Variants in GLIS3 observed in about 807,000 individuals in gnomAD.
The protein encoded by GLIS3 is GLIS family zinc finger 3, also known as zinc finger protein GLIS3.
GLIS3 carries 53 observed loss-of-function variants against 78.6 expected under a neutral mutation model. That is an observed-to-expected ratio of 0.67 (90% CI 0.54 to 0.85). The LOEUF (loss-of-function observed/expected upper bound fraction) is 0.85, where lower values mean the gene tolerates loss of function less well. Among genes scored for constraint, GLIS3 ranks in the 40% least tolerant of loss-of-function variants. The pLI is 0.00. For synonymous variants in GLIS3, 684 were observed against 509.9 expected (o/e 1.34, Z -4.60); for missense variants, 1,703 against 1,231.1 (o/e 1.38, Z -5.74).
At chr9:4,109,019 A>G (rs1830997886) in intron 4 of GLIS3, among the ~76,000 whole-genome samples, 2 of 152,142 alleles carry the variant, frequency 1.3e-5, no homozygotes, top group African/African-American at 4.8e-5. Context: ...ATGGGGTTCT[A>G]TGGTGTTCAG....
intron 7 of GLIS3, among the ~76,000 whole-genome samples, chr9:3,892,136 T>C (rs577064725): frequency 1.3e-5 from 2 of 151,550 alleles, no homozygotes; most frequent in Non-Finnish European, 2.9e-5. Flanking sequence ...GGCTGATGGG[T>C]AGTGAGAGTA....
intron 4 of GLIS3, among the ~76,000 whole-genome samples, chr9:3,985,252 C>A (rs1819645480): frequency 6.6e-6 from 1 of 152,178 alleles, no homozygotes; most frequent in African/African-American, 2.4e-5. Flanking sequence ...AAGCAATCCT[C>A]CCACCTCAGC....
At chr9:4,465,954 C>T in the GLIS3 span, among the ~76,000 whole-genome samples, 1 of 152,120 alleles carries the variant, frequency 6.6e-6, no homozygotes, top group Non-Finnish European at 1.5e-5. Context: ...AGAGATGAGA[C>T]TACTTTAAAA....
intron 4 of GLIS3, among the ~76,000 whole-genome samples, chr9:3,997,371 A>AAAAATAAAATAAAAT (rs569835206): frequency 7.9e-4 from 120 of 152,004 alleles, no homozygotes; most frequent in Middle Eastern, 3.4e-3. Flanking sequence ...CAATAAAAAT[A>AAAAATAAAATAAAAT]AAAATAAAAT....
chr9:3,907,168 G>T (rs1465395800), intron 6 of GLIS3, among the ~76,000 whole-genome samples: 2 of 152,150 alleles, frequency 1.3e-5, no homozygotes, highest in African/African-American at 4.8e-5. Flanking sequence ...GTGCACTGGG[G>T]CTTTGTTTCT....
chr9:3,939,460 T>C (rs1454586343), intron 4 of GLIS3, among the ~76,000 whole-genome samples: 1 of 152,216 alleles, frequency 6.6e-6, no homozygotes, highest in Non-Finnish European at 1.5e-5. Context: ...TTGCTATTAT[T>C]ACTCTTAACA....
intron 2 of GLIS3, among the ~76,000 whole-genome samples, chr9:4,190,493 A>G (rs1818234414): frequency 7.4e-6 from 1 of 134,800 alleles, no homozygotes; most frequent in Admixed American, 8.1e-5. Context: ...AAAAGAATAA[A>G]AACAAACGAA....
intron 4 of GLIS3, among the ~76,000 whole-genome samples, chr9:3,960,583 G>A (rs1255132860): frequency 6.6e-6 from 1 of 152,116 alleles, no homozygotes; most frequent in Non-Finnish European, 1.5e-5. Flanking sequence ...GGCACATAGT[G>A]GGTCCACAGT....
chr9:4,003,545 T>C (rs989477204), intron 4 of GLIS3, among the ~76,000 whole-genome samples: 31 of 152,222 alleles, frequency 2.0e-4, no homozygotes, highest in Non-Finnish European at 4.1e-4. Context: ...AGAACCGTGA[T>C]GAGAATCAGG....
intron 4 of GLIS3, among the ~76,000 whole-genome samples, chr9:4,015,431 C>T (rs1822354551): frequency 6.6e-6 from 1 of 152,186 alleles, no homozygotes; most frequent in Admixed American, 6.5e-5. Context: ...AGAGGAAACT[C>T]TCATTTGCAG....
chr9:4,399,511 G>A, the GLIS3 span, among the ~76,000 whole-genome samples: 1 of 152,208 alleles, frequency 6.6e-6, no homozygotes, highest in Non-Finnish European at 1.5e-5. Flanking sequence ...GGAGGCAGAG[G>A]CAAGATCAAG....
rs547370473 is a variant in GLIS3, at chr9:3,950,473, C to T, written c.1711-13284G>A. Among the ~76,000 whole-genome samples, 3 of 152,368 alleles carry T rather than the reference C, an allele frequency of 2.0e-5. No individual in the cohort carries two copies. The South Asian group carries it at 6.2e-4, about 32-fold the overall frequency. ...CTCATCTTCACCTCTCCTCCCCTTC[C>T]CTTTGCTCCCTCAGCTCAGTTTCTC... is the stretch of plus-strand genomic sequence containing the variant. On this transcript the variant is annotated intron_variant, in intron 4 of 10. Transcript: ENST00000381971.
At chr9:4,127,748 T>A (rs1201726351) in intron 2 of GLIS3, among the ~76,000 whole-genome samples, 1 of 151,300 alleles carries the variant, frequency 6.6e-6, no homozygotes, top group Non-Finnish European at 1.5e-5. Context: ...GCCACTATTA[T>A]TAAAAGCAAC....
At chr9:4,293,742 G>C (rs1816228956) in intron 1 of GLIS3, among the ~76,000 whole-genome samples, 2 of 152,208 alleles carry the variant, frequency 1.3e-5, no homozygotes, top group African/African-American at 4.8e-5. Context: ...CAGAAAGTCT[G>C]ATCTCTTTAT....
intron 2 of GLIS3, among the ~76,000 whole-genome samples, chr9:4,251,732 G>C (rs1824410637): frequency 6.6e-6 from 1 of 152,142 alleles, no homozygotes; most frequent in Non-Finnish European, 1.5e-5. Flanking sequence ...TGTTTTTGCA[G>C]TGGCTGGTAC....
At chr9:4,111,088 G>C (rs1402762265) in intron 4 of GLIS3, among the ~76,000 whole-genome samples, 1 of 152,118 alleles carries the variant, frequency 6.6e-6, no homozygotes, top group Non-Finnish European at 1.5e-5. Flanking sequence ...ACACATTTTA[G>C]AATCTATATA....
chr9:4,181,490 T>C (rs561929421), intron 2 of GLIS3, among the ~76,000 whole-genome samples: 2 of 152,216 alleles, frequency 1.3e-5, no homozygotes, highest in Admixed American at 6.5e-5. Context: ...AAAGGCACTA[T>C]AGTGGACATC....
chr9:4,391,573 G>C, the GLIS3 span, among the ~76,000 whole-genome samples: 1 of 151,836 alleles, frequency 6.6e-6, no homozygotes, highest in Non-Finnish European at 1.5e-5. Flanking sequence ...GTGTGTGTGT[G>C]TGTGTTGGGC....
At chr9:4,210,137 A>T (rs751282308) in intron 2 of GLIS3, among the ~76,000 whole-genome samples, 3 of 152,250 alleles carry the variant, frequency 2.0e-5, no homozygotes, top group Non-Finnish European at 4.4e-5. Flanking sequence ...AGAACAATAC[A>T]TACCTTAGTT....
Sources: allele counts gnomAD v4.1 joint callset (sites outside exome capture counted in the v4.1 genomes callset), GRCh38; gene constraint gnomAD v4.1.1; transcripts MANE v1.5; gene names NCBI Gene and HGNC (gene_info 2026-07-23, HGNC 2026-07-21).